Variants in NPLOC4 observed in about 807,000 individuals in gnomAD.
NPLOC4 encodes nuclear protein localization protein 4 homolog.
A neutral mutation model predicts 80.6 loss-of-function variants in NPLOC4; 18 were observed. That is an observed-to-expected ratio of 0.22 (90% CI 0.15 to 0.33). The LOEUF (loss-of-function observed/expected upper bound fraction) is 0.33, where lower values mean the gene tolerates loss of function less well. NPLOC4 is among the 10% of genes least tolerant of loss of function. The pLI, the probability that NPLOC4 is intolerant of heterozygous loss-of-function variation, is 1.00. For synonymous variants in NPLOC4, 313 were observed against 301.5 expected, an observed-to-expected ratio of 1.04 and a Z score of -0.39; for missense variants, 540 against 786.1, an observed-to-expected ratio of 0.69 and a Z score of 3.74.
chr17:81,566,191 G>T (rs1484473719), intron 15 of NPLOC4, among the ~76,000 whole-genome samples: 1 of 152,144 alleles, frequency 6.6e-6, no homozygotes, highest in Non-Finnish European at 1.5e-5. Context: ...AATTAGACAG[G>T]CGTGGTTGCG....
rs748345602 is a variant in NPLOC4, at chr17:81,608,756, T to C, written c.502A>G (p.Ile168Val). The C allele has an allele frequency of 6.9e-6, 11 of 1,592,934 alleles. No homozygotes were observed. Among genetic ancestry groups the C allele is most frequent in the African/African-American group, 1.3e-5 (1 of 74,582 alleles). ...TCAGCCCCTCCAGTCAGCTTCCGGA[T>C]GTAGGCGTGGAAGGACATGTGCTTC... ...PVKHMSFHAY[I>V]RKLTGGADKG... The change falls in exon 6 of 17, where the codon ATC becomes GTC. Residue 168 changes from isoleucine to valine, a missense_variant. This residue lies in a region of NPLOC4 where 61 missense variants were observed against 156.7 expected (regional missense o/e 0.39). Transcript: ENST00000331134.
chr17:81,612,206 C>CG (rs2035360852), intron 4 of NPLOC4, among the ~76,000 whole-genome samples: 1 of 152,060 alleles, frequency 6.6e-6, no homozygotes, highest in South Asian at 2.1e-4. Flanking sequence ...ACGAGGGCGC[C>CG]GGCGGCCGTC....
At chr17:81,571,437 G>C (rs1031711410) in intron 13 of NPLOC4, among the ~76,000 whole-genome samples, 1 of 152,220 alleles carries the variant, frequency 6.6e-6, no homozygotes. Context: ...GGAAGAGCCA[G>C]GGGCCTTTGT....
intron 4 of NPLOC4, among the ~76,000 whole-genome samples, 157 bp from the exon 5 acceptor site, chr17:81,610,415 G>GTTGTT (rs968849701): frequency 1.7e-4 from 26 of 152,228 alleles, no homozygotes; most frequent in African/African-American, 6.0e-4. Flanking sequence ...TATTTTAATT[G>GTTGTT]TTGTTTTGTT....
intron 11 of NPLOC4, among the ~76,000 whole-genome samples, chr17:81,595,427 CAAA>C (rs35337296): frequency 4.2e-5 from 3 of 72,018 alleles, no homozygotes; most frequent in Non-Finnish European, 5.8e-5. Flanking sequence ...GTAAGACTGT[CAAA>C]AAAAAAAAAA....
intron 13 of NPLOC4, among the ~76,000 whole-genome samples, chr17:81,571,424 T>C (rs949460004): frequency 2.6e-5 from 4 of 152,200 alleles, no homozygotes; most frequent in Admixed American, 6.5e-5. Context: ...ACAGGGAAGA[T>C]GTGGAAGAGC....
chr17:81,590,743 C>T (rs931129073), intron 11 of NPLOC4, among the ~76,000 whole-genome samples: 4 of 152,096 alleles, frequency 2.6e-5, no homozygotes, highest in African/African-American at 4.8e-5. Flanking sequence ...AAAACAGAAA[C>T]GTAGTGCACA....
At position 81,558,028 on chromosome 17, in the gene NPLOC4, C is replaced by G. The variant is rs2033700764; in HGVS notation, c.*1231G>C. 1 of 152,420 alleles carries G rather than the reference C, an allele frequency of 6.6e-6. No individual in the cohort carries two copies. The highest frequency in any genetic ancestry group is 2.4e-5 in the African/African-American group (1 of 41,444). 9.4% of individuals were successfully genotyped at this position (152,420 alleles called of 1,614,324 possible). A position where few individuals can be genotyped will look rare whatever the true frequency, so the allele number is the denominator to read the frequency against. ...CCTCTCCCGTGGGTGCAGAGCAGCC[C>G]AGATGTGGCCATCATTAAGGCAAAG... On this transcript the variant is annotated 3_prime_UTR_variant, in exon 17 of 17. Transcript: ENST00000331134.
intron 1 of NPLOC4, 63 bp from the exon 2 acceptor site, chr17:81,629,868 G>A: frequency 8.2e-7 from 1 of 1,212,736 alleles, no homozygotes; most frequent in Non-Finnish European, 1.2e-6. Context: ...TAATACTACG[G>A]CTTCCATCTG....
At chr17:81,570,769 A>G (rs901738103) in intron 13 of NPLOC4, among the ~76,000 whole-genome samples, 4 of 152,170 alleles carry the variant, frequency 2.6e-5, no homozygotes, top group Non-Finnish European at 4.4e-5. Context: ...CCTGTGGCCC[A>G]GGGCTGGGCA....
At chr17:81,600,517 A>T (rs1432315004) in intron 8 of NPLOC4, 90 bp from the exon 9 acceptor site, 2 of 970,618 alleles carry the variant, frequency 2.1e-6, no homozygotes, top group Non-Finnish European at 3.2e-6. Flanking sequence ...TCTAGGTCAC[A>T]AGGAGTGCTG....
Position 81,565,536 on chromosome 17 carries a change from A to C in NPLOC4, c.1638T>G (p.Ser546=). Residue 546 remains serine (S), a synonymous_variant, in exon 16 of 17, where the codon TCT becomes TCG. Transcript: ENST00000331134. ...GCTGCTCGATGGTGGCCCACTGCTCAGACCTCTTCCATGTCTGGGCGAGCT... is the reference window on the plus strand; with the variant it reads ...GCTGCTCGATGGTGGCCCACTGCTCCGACCTCTTCCATGTCTGGGCGAGCT... ...NEELAQTWKR[S]EQWATIEQLC... The C allele has an allele frequency of 6.4e-7, 1 of 1,554,418 alleles. No homozygotes were observed. The highest frequency in any genetic ancestry group is 8.7e-7 in the Non-Finnish European group (1 of 1,149,814).
intron 7 of NPLOC4, among the ~76,000 whole-genome samples, chr17:81,605,583 G>C (rs965904270): frequency 6.6e-6 from 1 of 151,802 alleles, no homozygotes; most frequent in Non-Finnish European, 1.5e-5. Context: ...GGGAGGCTGA[G>C]GTTGCAGTGA....
intron 6 of NPLOC4, among the ~76,000 whole-genome samples, chr17:81,607,613 C>T (rs1032530704): frequency 3.3e-5 from 5 of 152,072 alleles, no homozygotes; most frequent in African/African-American, 1.2e-4. Flanking sequence ...AGCAAAGACT[C>T]GTCACTGAAT....
At chr17:81,575,740 T>C (rs1340367095) in intron 12 of NPLOC4, among the ~76,000 whole-genome samples, 1 of 152,210 alleles carries the variant, frequency 6.6e-6, no homozygotes, top group Non-Finnish European at 1.5e-5. Context: ...TTGGGGAACC[T>C]TGAAGTTGAG....
chr17:81,592,190 C>T (rs2034768885), intron 11 of NPLOC4, among the ~76,000 whole-genome samples: 1 of 152,206 alleles, frequency 6.6e-6, no homozygotes, highest in Admixed American at 6.5e-5. Context: ...ATGGCTCAGT[C>T]TGAACCTTCC....
At chr17:81,612,214 G>A (rs1440356741) in intron 4 of NPLOC4, among the ~76,000 whole-genome samples, 7 of 152,084 alleles carry the variant, frequency 4.6e-5, no homozygotes, top group Non-Finnish European at 7.4e-5. Context: ...GCCGGCGGCC[G>A]TCCCTCCGGG....
chr17:81,595,051 T>TC (rs1222887699), intron 11 of NPLOC4, among the ~76,000 whole-genome samples: 1 of 152,164 alleles, frequency 6.6e-6, no homozygotes, highest in Non-Finnish European at 1.5e-5. Context: ...TTTCTTTTTT[T>TC]CCAAATGTTT....
intron 3 of NPLOC4, among the ~76,000 whole-genome samples, chr17:81,619,237 CA>C (rs1051777381): frequency 6.6e-6 from 1 of 150,522 alleles, no homozygotes; most frequent in African/African-American, 2.4e-5. Context: ...ATTAGCCGGG[CA>C]TGTTGGCGGG....
Sources: allele counts gnomAD v4.1 joint callset (sites outside exome capture counted in the v4.1 genomes callset), GRCh38; gene constraint gnomAD v4.1.1; regional missense constraint gnomAD v4.1.1; transcripts MANE v1.5; gene names NCBI Gene and HGNC (gene_info 2026-07-23, HGNC 2026-07-21).